The following ROBO2 variants were observed in gnomAD, a reference collection of about 807,000 sequenced individuals.
ROBO2 encodes roundabout homolog 2.
Under a neutral mutation model 160.8 loss-of-function variants are expected in ROBO2, and 53 were observed. The ratio of observed to expected loss-of-function variants is 0.33; its 90% CI spans 0.26 to 0.41. ROBO2 has a LOEUF of 0.41. ROBO2 is among the 10% of genes least tolerant of loss of function. ROBO2 has a pLI of 1.00. For missense variants in ROBO2, 1,577 were observed against 1,722.4 expected, an observed-to-expected ratio of 0.92 and a Z score of 1.49; for synonymous variants, 664 against 611.7, an observed-to-expected ratio of 1.09 and a Z score of -1.26.
chr3:76,791,925 TAATC>T (rs1248620586), intron 2 of ROBO2, among the ~76,000 whole-genome samples: 3 of 151,858 alleles, frequency 2.0e-5, no homozygotes, highest in Non-Finnish European at 4.4e-5. Context: ...TTATTATAAA[TAATC>T]AAGAGGTAAT....
intron 1 of ROBO2, among the ~76,000 whole-genome samples, chr3:77,061,146 A>C (rs2066260151): frequency 1.3e-5 from 2 of 152,188 alleles, no homozygotes; most frequent in African/African-American, 4.8e-5. Flanking sequence ...ATCCCAAAAT[A>C]TCACATACAC....
chr3:77,503,747 AT>A (rs1003609152), intron 5 of ROBO2, among the ~76,000 whole-genome samples: 1 of 151,634 alleles, frequency 6.6e-6, no homozygotes, highest in Non-Finnish European at 1.5e-5. Context: ...TATTTTTTTC[AT>A]TTTTTTAAAA....
At chr3:76,908,816 T>A (rs563173518) in intron 2 of ROBO2, among the ~76,000 whole-genome samples, 1 of 152,346 alleles carries the variant, frequency 6.6e-6, no homozygotes, top group African/African-American at 2.4e-5. Context: ...ATTAGAATTA[T>A]AACTTTCAAA....
At chr3:76,928,476 G>A (rs1335092771) in intron 2 of ROBO2, among the ~76,000 whole-genome samples, 6 of 146,842 alleles carry the variant, frequency 4.1e-5, no homozygotes, top group Non-Finnish European at 7.5e-5. Context: ...TTTTGCAGAA[G>A]TAAAACTAGA....
At chr3:77,082,461 T>C (rs1417811148) in intron 1 of ROBO2, among the ~76,000 whole-genome samples, 1 of 152,126 alleles carries the variant, frequency 6.6e-6, no homozygotes, top group African/African-American at 2.4e-5. Flanking sequence ...ATTTCATATC[T>C]TTTTTAGCCC....
intron 2 of ROBO2, among the ~76,000 whole-genome samples, chr3:76,286,834 C>T (rs1253692284): frequency 2.0e-5 from 3 of 152,182 alleles, no homozygotes; most frequent in Non-Finnish European, 2.9e-5. Context: ...TTAAAATCTC[C>T]GACCTATTGG....
At chr3:76,409,360 G>A (rs2075371746) in intron 2 of ROBO2, among the ~76,000 whole-genome samples, 1 of 151,890 alleles carries the variant, frequency 6.6e-6, no homozygotes, top group Non-Finnish European at 1.5e-5. Context: ...TTGAATGAAA[G>A]CCCCATAAAG....
chr3:76,580,342 G>GTTTTTTTTTTTTTTTTTTTTT (rs71101901), intron 2 of ROBO2, among the ~76,000 whole-genome samples: 3 of 90,562 alleles, frequency 3.3e-5, no homozygotes, highest in African/African-American at 8.7e-5. Flanking sequence ...TTTTTTTTGT[G>GTTTTTTTTTTTTTTTTTTTTT]TTTTTTTTTT....
intron 2 of ROBO2, among the ~76,000 whole-genome samples, chr3:77,471,403 T>G (rs2083335315): frequency 6.6e-6 from 1 of 152,202 alleles, no homozygotes; most frequent in African/African-American, 2.4e-5. Context: ...TACCTATTGC[T>G]TCATAACAAA....
intron 2 of ROBO2, among the ~76,000 whole-genome samples, chr3:76,357,725 C>T (rs2075260298): frequency 6.6e-6 from 1 of 151,642 alleles, no homozygotes; most frequent in East Asian, 2.0e-4. Flanking sequence ...TGGGATCTAC[C>T]CAAAAGCCAG....
chr3:76,825,725 A>T (rs1334061822), intron 2 of ROBO2, among the ~76,000 whole-genome samples: 1 of 151,506 alleles, frequency 6.6e-6, no homozygotes, highest in African/African-American at 2.4e-5. Flanking sequence ...TGTCATTATC[A>T]GTGTGAGTAG....
At chr3:76,577,604 A>G (rs1385651428) in intron 2 of ROBO2, among the ~76,000 whole-genome samples, 1 of 152,122 alleles carries the variant, frequency 6.6e-6, no homozygotes, top group African/African-American at 2.4e-5. Flanking sequence ...AGCCAGTGAC[A>G]CCACAACATG....
At chr3:77,142,511 G>A (rs2076786667) in intron 2 of ROBO2, among the ~76,000 whole-genome samples, 1 of 152,154 alleles carries the variant, frequency 6.6e-6, no homozygotes, top group African/African-American at 2.4e-5. Flanking sequence ...CTATAATAAA[G>A]GCTAAAAAGC....
chr3:77,207,304 T>G (rs1319660110), intron 2 of ROBO2, among the ~76,000 whole-genome samples: 1 of 152,194 alleles, frequency 6.6e-6, no homozygotes, highest in African/African-American at 2.4e-5. Context: ...GTTAGAATCA[T>G]TCTAAAATAG....
At chr3:77,015,171 C>A (rs1403090965) in intron 2 of ROBO2, among the ~76,000 whole-genome samples, 2 of 152,106 alleles carry the variant, frequency 1.3e-5, no homozygotes, top group African/African-American at 4.8e-5. Flanking sequence ...TGTTTAAAAT[C>A]AATTAACCAA....
chr3:77,271,195 A>T (rs1419550711), intron 2 of ROBO2, among the ~76,000 whole-genome samples: 1 of 152,188 alleles, frequency 6.6e-6, no homozygotes, highest in Non-Finnish European at 1.5e-5. Context: ...TGTTAGAATG[A>T]TAACATTGAA....
Position 75,986,053 on chromosome 3 carries a change from A to G in ROBO2, c.109+48451A>G, listed in dbSNP as rs192849836. On this transcript the variant is annotated intron_variant, in intron 2 of 26. Coordinates refer to the ROBO2 transcript ENST00000487694. Reference sequence around the variant, plus strand: ...CCTTGCTTTAAATTCTCTTGGGTATATACCTGGATTGGGGTGCTGGATTAT... The same window carrying G: ...CCTTGCTTTAAATTCTCTTGGGTATGTACCTGGATTGGGGTGCTGGATTAT... Among the ~76,000 whole-genome samples, 206 of 151,728 alleles carry G rather than the reference A, an allele frequency of 1.4e-3. 2 individuals are homozygous for G. The highest frequency in any genetic ancestry group is 7.4e-5 in the Non-Finnish European group (5 of 67,654).
At chr3:76,822,305 G>A (rs1172991846) in intron 2 of ROBO2, among the ~76,000 whole-genome samples, 1 of 151,934 alleles carries the variant, frequency 6.6e-6, no homozygotes, top group Non-Finnish European at 1.5e-5. Flanking sequence ...AGTGAATACT[G>A]AGTAAATTTT....
chr3:76,590,861 G>A (rs937735353), intron 2 of ROBO2, among the ~76,000 whole-genome samples: 1 of 152,068 alleles, frequency 6.6e-6, no homozygotes, highest in Non-Finnish European at 1.5e-5. Flanking sequence ...ATTACTATGT[G>A]ATTAAGTATG....
Sources: allele counts gnomAD v4.1 joint callset (sites outside exome capture counted in the v4.1 genomes callset), GRCh38; gene constraint gnomAD v4.1.1; transcripts MANE v1.5; gene names NCBI Gene and HGNC (gene_info 2026-07-23, HGNC 2026-07-21).